The following MED13 variants were observed in gnomAD, a reference collection of about 807,000 sequenced individuals.
MED13 encodes mediator complex subunit 13, also known as mediator of RNA polymerase II transcription subunit 13.
Under a neutral mutation model 225.2 loss-of-function variants are expected in MED13, and 23 were observed. That is an observed-to-expected ratio of 0.10 (90% CI 0.07 to 0.14). The LOEUF (loss-of-function observed/expected upper bound fraction) is 0.14. Ranked by LOEUF, MED13 falls within the 10% of genes least tolerant of loss-of-function variation. The pLI, the probability that MED13 is intolerant of heterozygous loss-of-function variation, is 1.00. For missense variants in MED13, 2,197 were observed against 2,594.5 expected, an observed-to-expected ratio of 0.85 and a Z score of 3.33; for synonymous variants, 942 against 889.2, an observed-to-expected ratio of 1.06 and a Z score of -1.06.
intron 9 of MED13, among the ~76,000 whole-genome samples, chr17:62,003,425 G>A (rs1281803286): frequency 2.0e-5 from 3 of 151,872 alleles, no homozygotes; most frequent in African/African-American, 4.8e-5. Flanking sequence ...GACCAACATG[G>A]TGACACCTCG....
chr17:62,034,137 C>G (rs981563971), intron 4 of MED13, among the ~76,000 whole-genome samples, 153 bp from the exon 5 acceptor site: 4 of 152,120 alleles, frequency 2.6e-5, no homozygotes, highest in African/African-American at 9.7e-5. Flanking sequence ...TATTATACTT[C>G]GTTACTGTGA....
intron 4 of MED13, among the ~76,000 whole-genome samples, 158 bp from the exon 5 acceptor site, chr17:62,034,142 C>T (rs1466788226): frequency 2.6e-5 from 4 of 152,184 alleles, no homozygotes; most frequent in African/African-American, 9.7e-5. Context: ...TACTTCGTTA[C>T]TGTGAAGATA....
At chr17:61,975,060 T>C (rs1267411849) in intron 16 of MED13, among the ~76,000 whole-genome samples, 1 of 151,896 alleles carries the variant, frequency 6.6e-6, no homozygotes, top group Non-Finnish European at 1.5e-5. Context: ...CCTAGCTACT[T>C]GGGGAGGCTG....
At chr17:61,996,313 A>G (rs759925150) in intron 9 of MED13, among the ~76,000 whole-genome samples, 4 of 152,172 alleles carry the variant, frequency 2.6e-5, no homozygotes, top group Non-Finnish European at 5.9e-5. Context: ...TCAAATTCCT[A>G]TTCTCTCGGG....
rs1241975433 is a variant in MED13 at position 62,052,554 on chromosome 17, T to C, written c.453A>G (p.Glu151=). 15 of 1,577,812 alleles carry C rather than the reference T, an allele frequency of 9.5e-6. No individual in the cohort carries two copies. Among genetic ancestry groups the C allele is most frequent in the Non-Finnish European group, 1.3e-5 (15 of 1,163,560 alleles). ...TAGCTTACCTTTTATTTATAGGTTTTTCATCTTTTTCATAAGGCTTTACAA... is the reference window on the plus strand; with the variant it reads ...TAGCTTACCTTTTATTTATAGGTTTCTCATCTTTTTCATAAGGCTTTACAA... ...KWFVKPYEKD[E]KPINKSEHLS... The change falls in exon 3 of 30, where the codon GAA becomes GAG. Residue 151 remains glutamate (E), a synonymous_variant. Coordinates refer to ENST00000397786, the MANE Select transcript of MED13 (RefSeq NM_005121.3).
At chr17:61,976,623 A>T (rs926402966) in intron 16 of MED13, among the ~76,000 whole-genome samples, 1 of 152,200 alleles carries the variant, frequency 6.6e-6, no homozygotes, top group African/African-American at 2.4e-5. Flanking sequence ...AACAAAATTA[A>T]TGTTGTCATT....
intron 9 of MED13, among the ~76,000 whole-genome samples, chr17:62,002,484 C>T (rs551839608): frequency 5.4e-5 from 5 of 93,226 alleles, no homozygotes; most frequent in South Asian, 3.9e-4. Flanking sequence ...AGCAAAACTC[C>T]ATCTCAAAAA....
intron 3 of MED13, among the ~76,000 whole-genome samples, chr17:62,039,383 A>T (rs542788761): frequency 1.3e-5 from 2 of 152,058 alleles, no homozygotes; most frequent in East Asian, 3.9e-4. Flanking sequence ...CCCAGGTTAA[A>T]GCGATTCTTC....
Position 61,946,291 on chromosome 17 carries a change from A to G in MED13, c.*177T>C. ...TCATCCTAAAGAGTTCAATAGAGTCAATGAAAAATAGCAGGGTTATAGCCC... is the reference window on the plus strand; with the variant it reads ...TCATCCTAAAGAGTTCAATAGAGTCGATGAAAAATAGCAGGGTTATAGCCC... On this transcript the variant is annotated 3_prime_UTR_variant, in exon 30 of 30. Transcript: ENST00000397786. The G allele has an allele frequency of 1.5e-6, 1 of 654,188 alleles. No individual in the cohort carries two copies. The highest frequency in any genetic ancestry group is 2.5e-6 in the Non-Finnish European group (1 of 397,640). 40.5% of individuals were successfully genotyped at this position (654,188 alleles called of 1,614,324 possible). A position where few individuals can be genotyped will look rare whatever the true frequency, so the allele number is the denominator to read the frequency against.
At chr17:62,044,217 T>C (rs2080879002) in intron 3 of MED13, among the ~76,000 whole-genome samples, 1 of 151,772 alleles carries the variant, frequency 6.6e-6, no homozygotes, top group South Asian at 2.1e-4. Flanking sequence ...AAGCATATTC[T>C]TTCATTTACT....
chr17:62,060,486 G>A (rs76995686), intron 2 of MED13, among the ~76,000 whole-genome samples: 10,916 of 151,442 alleles, frequency 0.072, 588 homozygotes, highest in South Asian at 0.3. Context: ...CGGGCGTGGT[G>A]GTGGGCGCCT....
intron 20 of MED13, among the ~76,000 whole-genome samples, 166 bp from the exon 21 acceptor site, chr17:61,963,137 C>CATTGTACA (rs2080018339): frequency 8.4e-6 from 1 of 118,806 alleles, no homozygotes; most frequent in Non-Finnish European, 1.6e-5. Flanking sequence ...GAACCATAAA[C>CATTGTACA]ATTGTACATA....
At chr17:61,993,196 C>CTTTTTTTTTTT (rs1267367816) in intron 10 of MED13, among the ~76,000 whole-genome samples, 6 of 127,424 alleles carry the variant, frequency 4.7e-5, no homozygotes, top group African/African-American at 1.4e-4. Context: ...TTCTTTCTTT[C>CTTTTTTTTTTT]TTTCTTTTTT....
chr17:62,063,439 A>G (rs1034763718), intron 1 of MED13, 138 bp from the exon 2 acceptor site: 1 of 576,946 alleles, frequency 1.7e-6, no homozygotes, highest in East Asian at 2.8e-5. Context: ...AATTAGAACA[A>G]AAAAAGACTT....
chr17:61,982,071 C>A, intron 16 of MED13, 127 bp downstream of exon 16: 3 of 802,926 alleles, frequency 3.7e-6, no homozygotes, highest in Non-Finnish European at 3.8e-6. Context: ...AAACATCATC[C>A]ATAAAGAGTT....
In MED13 at chr17:61,961,061, A is replaced by C; in HGVS notation, c.5286T>G (p.Pro1762=). 1 of 1,613,904 alleles carries C rather than the reference A, an allele frequency of 6.2e-7. No homozygotes were observed. The highest frequency in any genetic ancestry group is 1.3e-5 in the African/African-American group (1 of 75,036). Residue 1762 remains proline (P), a synonymous_variant, in exon 23 of 30, where the codon CCT becomes CCG. Coordinates refer to ENST00000397786, the MANE Select transcript of MED13 (RefSeq NM_005121.3). ...CCTTCACTGGAGCCAGAATAAAAGG[A>C]GGTGCATAAAGTCGAATACACTCTG... The part of the protein sequence containing the change: ...DRPECIRLYA[P]PFILAPVKDK...
At chr17:62,047,016 T>C (rs531024071) in intron 3 of MED13, among the ~76,000 whole-genome samples, 85 of 145,738 alleles carry the variant, frequency 5.8e-4, no homozygotes, top group African/African-American at 2.2e-3. Flanking sequence ...CTTCAGAGTG[T>C]GTGCCACTGT....
chr17:62,013,831 G>A (rs1261956838), intron 8 of MED13, among the ~76,000 whole-genome samples: 1 of 152,116 alleles, frequency 6.6e-6, no homozygotes, highest in Non-Finnish European at 1.5e-5. Context: ...ATGAAGTCAG[G>A]AGTTCAAGAC....
intron 3 of MED13, among the ~76,000 whole-genome samples, chr17:62,051,070 C>T (rs1247443043): frequency 6.6e-6 from 1 of 152,184 alleles, no homozygotes; most frequent in Non-Finnish European, 1.5e-5. Context: ...ATTTCCACTT[C>T]TTTGATCTTT....
Sources: allele counts gnomAD v4.1 joint callset (sites outside exome capture counted in the v4.1 genomes callset), GRCh38; gene constraint gnomAD v4.1.1; transcripts MANE v1.5; gene names NCBI Gene and HGNC (gene_info 2026-07-23, HGNC 2026-07-21).